Variants in KCNQ1 observed in about 807,000 individuals in gnomAD.
The protein encoded by KCNQ1 is potassium voltage-gated channel subfamily Q member 1, also known as potassium voltage-gated channel subfamily KQT member 1.
KCNQ1 carries 49 observed loss-of-function variants against 72.4 expected under a neutral mutation model. The observed-to-expected ratio is 0.68, with a 90% CI of 0.54 to 0.86. The LOEUF (loss-of-function observed/expected upper bound fraction) is 0.86, where lower values mean the gene tolerates loss of function less well. Among genes scored for constraint, KCNQ1 ranks in the 40% least tolerant of loss-of-function variants. KCNQ1 has a pLI of 0.00. For synonymous variants in KCNQ1, 450 were observed against 412.6 expected, an observed-to-expected ratio of 1.09 and a Z score of -1.10; for missense variants, 790 against 945.1, an observed-to-expected ratio of 0.84 and a Z score of 2.15.
intron 6 of KCNQ1, among the ~76,000 whole-genome samples, chr11:2,574,652 C>T (rs1315747373): frequency 2.0e-5 from 3 of 152,216 alleles, no homozygotes; most frequent in Admixed American, 2.0e-4. Flanking sequence ...CGTGTCCCTG[C>T]GATTGCTGTG....
At chr11:2,589,494 C>A (rs1041260318) in intron 10 of KCNQ1, among the ~76,000 whole-genome samples, 3 of 152,200 alleles carry the variant, frequency 2.0e-5, no homozygotes, top group African/African-American at 7.2e-5. Context: ...GGGGTTTTAC[C>A]CACGCTAACT....
Position 2,670,664 on chromosome 11 carries a change from A to G in KCNQ1, c.1514+8583A>G. On this transcript the variant is annotated intron_variant, in intron 11 of 15. Coordinates refer to ENST00000155840, the MANE Select transcript of KCNQ1 (RefSeq NM_000218.3). The surrounding 1 kb of genome is among the most constrained non-coding windows in gnomAD (Gnocchi z 4.9). ...GCCAGGATGAACCCTGAAGATTGGT[A>G]GGAAGGCAGTGTAGCAGTAACAAGA... 5.0e-6 allele frequency: 2 copies of G among 398,646 alleles called. No homozygotes were observed. Among genetic ancestry groups the G allele is most frequent in the Non-Finnish European group, 4.4e-6 (1 of 226,120 alleles). The allele number at this position is 398,646 out of a possible 1,614,324, so 24.7% of individuals were successfully genotyped here.
intron 11 of KCNQ1, chr11:2,700,001 A>G (rs1041855217): frequency 2.5e-6 from 1 of 398,154 alleles, no homozygotes. Flanking sequence ...TTCTGCCTGG[A>G]GACTGCGGCA....
intron 1 of KCNQ1, among the ~76,000 whole-genome samples, chr11:2,453,047 TGGA>T (rs1326012830): frequency 4.6e-5 from 7 of 152,150 alleles, no homozygotes; most frequent in Admixed American, 1.3e-4. Context: ...GCTAGATGCG[TGGA>T]GGAGATTTAT....
In KCNQ1 at chr11:2,813,888, C is replaced by G. The variant is rs777986556; in HGVS notation, c.1795-33879C>G. Among the ~76,000 whole-genome samples, 2 of 151,072 alleles carry G rather than the reference C, an allele frequency of 1.3e-5. No individual in the cohort carries two copies. Among genetic ancestry groups the G allele is most frequent in the Non-Finnish European group, 3.0e-5 (2 of 67,796 alleles). ...GGAGGGAGGGTTGCAGAAAGGGATG[C>G]GTGGAAGGATGGTTGATGGATGGAT... On this transcript the variant is annotated intron_variant, in intron 15 of 15. Coordinates refer to ENST00000155840, the MANE Select transcript of KCNQ1 (RefSeq NM_000218.3). This position sits in a 1 kb window ranked among gnomAD's most constrained non-coding sequence, Gnocchi z 4.4.
At chr11:2,532,164 T>C (rs1424067015) in intron 2 of KCNQ1, among the ~76,000 whole-genome samples, 2 of 152,164 alleles carry the variant, frequency 1.3e-5, no homozygotes, top group Non-Finnish European at 2.9e-5. Context: ...TCTGGGTTCA[T>C]GGGGCTCTGG....
Position 2,450,749 on chromosome 11 carries a change from G to A in KCNQ1, c.386+5265G>A, listed in dbSNP as rs904433282. ...AAATTATCGTGGTTGACAAAGGGAG[G>A]CGGCTGGTGTCTCTGGTACTGGCTG... On this transcript the variant is annotated intron_variant, in intron 1 of 15. Transcript: ENST00000155840. This position sits in a 1 kb window ranked among gnomAD's most constrained non-coding sequence, Gnocchi z 7.9. 1.3e-5 allele frequency among the ~76,000 whole-genome samples: 2 copies of A among 152,164 alleles called. No homozygotes were observed. Among genetic ancestry groups the A allele is most frequent in the African/African-American group, 4.8e-5 (2 of 41,422 alleles).
chr11:2,598,400 A>G lies in KCNQ1; in HGVS notation c.1393+9546A>G, dbSNP rs4930130. Among the ~76,000 whole-genome samples the G allele has an allele frequency of 0.22, 33,286 of 152,086 alleles. 5,070 individuals are homozygous for G. Among genetic ancestry groups the G allele is most frequent in the African/African-American group, 0.41 (17,164 of 41,456 alleles). ...AAAGGATGTAGCCTATGAAGTCTCCACTTTTTTTAAAATGAAGATTTTCTT... is the reference window on the plus strand; with the variant it reads ...AAAGGATGTAGCCTATGAAGTCTCCGCTTTTTTTAAAATGAAGATTTTCTT... On this transcript the variant is annotated intron_variant, in intron 10 of 15. Transcript: ENST00000155840. The surrounding 1 kb of genome is among the most constrained non-coding windows in gnomAD (Gnocchi z 6.2).
At chr11:2,765,937 C>T (rs757175867) in intron 11 of KCNQ1, among the ~76,000 whole-genome samples, 11 of 152,118 alleles carry the variant, frequency 7.2e-5, no homozygotes, top group East Asian at 3.8e-4. Flanking sequence ...CCATCTTATG[C>T]TTCTTTTTCA....
intron 5 of KCNQ1, among the ~76,000 whole-genome samples, chr11:2,572,469 G>A (rs1348589190): frequency 3.3e-5 from 5 of 152,232 alleles, no homozygotes; most frequent in Non-Finnish European, 5.9e-5. Flanking sequence ...ACTCAGATGG[G>A]TTCAGGCTGC....
At chr11:2,456,312 AAAATT>A (rs1846190414) in intron 1 of KCNQ1, among the ~76,000 whole-genome samples, 1 of 152,162 alleles carries the variant, frequency 6.6e-6, no homozygotes, top group Non-Finnish European at 1.5e-5. Context: ...CAAAAAAAAA[AAAATT>A]AAAAAAGATT....
intron 10 of KCNQ1, chr11:2,609,947 G>GT: frequency 5.0e-6 from 2 of 397,956 alleles, no homozygotes; most frequent in Non-Finnish European, 4.4e-6. Flanking sequence ...GATGGATCCT[G>GT]TTTTTCAAAT....
intron 15 of KCNQ1, among the ~76,000 whole-genome samples, chr11:2,802,168 C>A (rs1237568266): frequency 6.6e-6 from 1 of 152,216 alleles, no homozygotes; most frequent in Non-Finnish European, 1.5e-5. Context: ...CAGGGGGAGG[C>A]CACAGGGTGC....
At position 2,668,422 on chromosome 11, in the gene KCNQ1, G is replaced by C. The variant is rs1850122874; in HGVS notation, c.1514+6341G>C. On this transcript the variant is annotated intron_variant, in intron 11 of 15. Coordinates refer to ENST00000155840, the MANE Select transcript of KCNQ1 (RefSeq NM_000218.3). The surrounding 1 kb of genome is among the most constrained non-coding windows in gnomAD (Gnocchi z 4.3). ...AGTCATTCCAATTTTCATTCCCACA[G>C]GCAGCATTCTGGCTGCTCCACATCC... 2.5e-6 allele frequency: 1 copy of C among 398,582 alleles called. No homozygotes were observed. The highest frequency in any genetic ancestry group is 3.6e-5 in the East Asian group (1 of 28,070). 24.7% of individuals were successfully genotyped at this position (398,582 alleles called of 1,614,324 possible).
In KCNQ1 at chr11:2,502,453, T is replaced by G. The variant is rs1049186554; in HGVS notation, c.387-25475T>G. Among the ~76,000 whole-genome samples, 4 of 151,840 alleles carry G rather than the reference T, an allele frequency of 2.6e-5. No individual in the cohort carries two copies. In the East Asian group the frequency reaches 7.7e-4, roughly 29 times the overall value. ...TAATCCCATTTAAAATAGCTACAAA[T>G]AAAATACCTAGGAATAAACTTAACC... On this transcript the variant is annotated intron_variant, in intron 1 of 15. Coordinates refer to ENST00000155840, the MANE Select transcript of KCNQ1 (RefSeq NM_000218.3).
chr11:2,560,756 T>C (rs1431972885), intron 2 of KCNQ1, among the ~76,000 whole-genome samples: 1 of 151,990 alleles, frequency 6.6e-6, no homozygotes, highest in Non-Finnish European at 1.5e-5. Flanking sequence ...GGTAGTGAGC[T>C]GGTCTCAGCA....
intron 11 of KCNQ1, chr11:2,692,837 C>A (rs758382433): frequency 2.5e-5 from 10 of 398,554 alleles, no homozygotes; most frequent in Non-Finnish European, 4.0e-5. Flanking sequence ...CATTCCCCTG[C>A]CTGTTAGACA....
chr11:2,687,774 C>CT lies in KCNQ1; in HGVS notation c.1514+25694dup. The stretch of plus-strand genomic sequence containing the variant: ...TGAGAAGAGGAGCCCCTTAGCAGGC[C>CT]TAACCACACCCCTAAGCCACCCAGC... On this transcript the variant is annotated intron_variant, in intron 11 of 15. Transcript: ENST00000155840. The surrounding 1 kb of genome is among the most constrained non-coding windows in gnomAD (Gnocchi z 5.0). 2.5e-6 allele frequency: 1 copy of CT among 398,760 alleles called. No homozygotes were observed. The allele number at this position is 398,760 out of a possible 1,614,324, so 24.7% of individuals were successfully genotyped here. A position where few individuals can be genotyped will look rare whatever the true frequency, so the allele number is the denominator to read the frequency against.
In KCNQ1 at chr11:2,725,315, G is replaced by T. The variant is rs1845740199; in HGVS notation, c.1515-43529G>T. On this transcript the variant is annotated intron_variant, in intron 11 of 15. Coordinates refer to ENST00000155840, the MANE Select transcript of KCNQ1 (RefSeq NM_000218.3). This position sits in a 1 kb window ranked among gnomAD's most constrained non-coding sequence, Gnocchi z 7.2. ...TCAGCCACGGGACCAGCGCTTGCCAGAAATGTTCCCAGCTTTTTTGAGTTC... is the reference window on the plus strand; with the variant it reads ...TCAGCCACGGGACCAGCGCTTGCCATAAATGTTCCCAGCTTTTTTGAGTTC... Among the ~76,000 whole-genome samples the T allele has an allele frequency of 6.6e-6, 1 of 152,218 alleles. No homozygotes were observed. Among genetic ancestry groups the T allele is most frequent in the South Asian group, 2.1e-4 (1 of 4,832 alleles).
Sources: allele counts gnomAD v4.1 joint callset (sites outside exome capture counted in the v4.1 genomes callset), GRCh38; gene constraint gnomAD v4.1.1; non-coding constraint Gnocchi (gnomAD v3.1); transcripts MANE v1.5; gene names NCBI Gene and HGNC (gene_info 2026-07-23, HGNC 2026-07-21).